Variants in KRT80 observed in about 807,000 individuals in gnomAD.
KRT80 encodes keratin 80.
Under a neutral mutation model 51.5 loss-of-function variants are expected in KRT80, and 36 were observed. The observed-to-expected ratio is 0.70, with a 90% CI of 0.54 to 0.92. The LOEUF (loss-of-function observed/expected upper bound fraction) is 0.92, where lower values mean the gene tolerates loss of function less well. Among genes scored for constraint, KRT80 ranks in the 40% least tolerant of loss-of-function variants. The pLI is 0.00. For synonymous variants in KRT80, 235 were observed against 248.3 expected, an observed-to-expected ratio of 0.95 and a Z score of 0.50; for missense variants, 566 against 591.7, an observed-to-expected ratio of 0.96 and a Z score of 0.45.
intron 4 of KRT80, among the ~76,000 whole-genome samples, chr12:52,178,237 AACC>A (rs1565694595): frequency 1.3e-5 from 2 of 152,188 alleles, no homozygotes. Flanking sequence ...AGGATAGCAC[AACC>A]ACACCTGAAA....
Position 52,180,915 on chromosome 12 carries a change from A to C in KRT80, c.558T>G (p.Val186=). 2 of 1,578,400 alleles carry C rather than the reference A, an allele frequency of 1.3e-6. No homozygotes were observed. Among genetic ancestry groups the C allele is most frequent in the Non-Finnish European group, 1.7e-6 (2 of 1,166,186 alleles). ...CTGGGCAGGCTACCTTCTTCAGCTGAACAAAGGTGAACTCCATGTCTGTGC... is the reference window on the plus strand; with the variant it reads ...CTGGGCAGGCTACCTTCTTCAGCTGCACAAAGGTGAACTCCATGTCTGTGC... ...SKRTDMEFTF[V]QLKKDLDAEC... is the part of the protein sequence containing the mutation. Residue 186 remains valine, a synonymous_variant, in exon 3 of 9, where the codon GTT becomes GTG. Coordinates refer to ENST00000394815, the MANE Select transcript of KRT80 (RefSeq NM_182507.3).
Position 52,191,712 on chromosome 12 carries a change from AGGCC to A in KRT80, c.187_190del (p.Gly63CysfsTer16). On this transcript the variant is annotated frameshift_variant, in exon 1 of 9. Coordinates refer to ENST00000394815, the MANE Select transcript of KRT80 (RefSeq NM_182507.3). LOFTEE classifies it high-confidence loss of function. Reference sequence around the variant, plus strand: ...CAACTTGACATCCAGGGGCACCAGCAGGCCGGGGTTCACAGTCACCTTGGAGATA... The same window carrying A: ...CAACTTGACATCCAGGGGCACCAGCAGGGGTTCACAGTCACCTTGGAGATA... The A allele has an allele frequency of 6.2e-7, 1 of 1,613,834 alleles. No homozygotes were observed.
intron 1 of KRT80, among the ~76,000 whole-genome samples, chr12:52,191,341 C>T (rs1336673987): frequency 5.3e-5 from 8 of 152,136 alleles, no homozygotes; most frequent in African/African-American, 1.9e-4. Flanking sequence ...GGTGGGTGAC[C>T]CCAGGTCATG....
intron 4 of KRT80, among the ~76,000 whole-genome samples, chr12:52,176,277 G>A (rs1229763450): frequency 6.6e-6 from 1 of 152,172 alleles, no homozygotes; most frequent in Non-Finnish European, 1.5e-5. Context: ...GGGACCCCTG[G>A]AGAGCACGTG....
At chr12:52,189,541 G>A (rs141671782) in intron 1 of KRT80, among the ~76,000 whole-genome samples, 402 of 152,352 alleles carry the variant, frequency 2.6e-3, no homozygotes, top group African/African-American at 9.2e-3. Flanking sequence ...GTAGTGGACC[G>A]GGATTTAAAC....
At chr12:52,182,289 C>T (rs1403888221) in intron 2 of KRT80, among the ~76,000 whole-genome samples, 1 of 152,178 alleles carries the variant, frequency 6.6e-6, no homozygotes, top group Non-Finnish European at 1.5e-5. Flanking sequence ...TTCACCTGCA[C>T]TCTCTCTGGT....
intron 4 of KRT80, 148 bp downstream of exon 4, chr12:52,180,365 G>A (rs1941297510): frequency 5.8e-6 from 3 of 512,990 alleles, no homozygotes; most frequent in East Asian, 3.1e-5. Context: ...ACAGGAAGGG[G>A]TTTAGGAAAT....
intron 3 of KRT80, 115 bp from the exon 4 acceptor site, chr12:52,180,723 G>T (rs979168164): frequency 3.1e-6 from 5 of 1,602,270 alleles, no homozygotes; most frequent in South Asian, 2.2e-5. Context: ...AGGAGATCTG[G>T]CTCAGAGCCT....
rs1401402568 is a variant in KRT80 at position 52,170,311 on chromosome 12, G to A, written c.*1087C>T. 1 of 152,722 alleles carries A rather than the reference G, an allele frequency of 6.5e-6. No homozygotes were observed. Among genetic ancestry groups the A allele is most frequent in the East Asian group, 1.9e-4 (1 of 5,198 alleles). 9.5% of individuals were successfully genotyped at this position (152,722 alleles called of 1,614,324 possible). On this transcript the variant is annotated 3_prime_UTR_variant, in exon 9 of 9. Transcript: ENST00000394815. ...GGGAAGGAGTGAGAAGAAAGGAGGA[G>A]CTCTAACCCCATAGGTGTGGGGGGT... is the stretch of plus-strand genomic sequence containing the variant.
chr12:52,173,568 C>T, intron 5 of KRT80, 32 bp downstream of exon 5: 1 of 1,606,706 alleles, frequency 6.2e-7, no homozygotes. Context: ...ACTGTCCAGG[C>T]TGCTTCTCGT....
intron 2 of KRT80, among the ~76,000 whole-genome samples, chr12:52,181,626 G>A (rs1395620040): frequency 4.6e-5 from 7 of 152,212 alleles, no homozygotes; most frequent in Non-Finnish European, 1.0e-4. Flanking sequence ...GCAGTTGACA[G>A]CCAGCTACAG....
chr12:52,190,159 G>A (rs1941459846), intron 1 of KRT80, among the ~76,000 whole-genome samples: 1 of 151,926 alleles, frequency 6.6e-6, no homozygotes, highest in African/African-American at 2.4e-5. Context: ...TGGGTACCCA[G>A]GGGTACCCCA....
At chr12:52,182,715 G>T (rs1476657203) in intron 2 of KRT80, among the ~76,000 whole-genome samples, 1 of 152,258 alleles carries the variant, frequency 6.6e-6, no homozygotes, top group South Asian at 2.1e-4. Context: ...AACCCCCTCT[G>T]GCAGAGAAGG....
intron 1 of KRT80, 50 bp downstream of exon 1, chr12:52,191,553 G>A (rs550540982): frequency 2.1e-5 from 32 of 1,503,758 alleles, no homozygotes; most frequent in East Asian, 2.3e-5. Context: ...CTCAGCTACC[G>A]GCCCAGGCCT....
intron 1 of KRT80, chr12:52,185,857 G>A: frequency 1.8e-6 from 1 of 556,660 alleles, no homozygotes; most frequent in Non-Finnish European, 3.1e-6. Context: ...GAGGAAGGGG[G>A]TAAGAGGGTG....
chr12:52,172,121 G>A (rs773938057), intron 7 of KRT80, 77 bp downstream of exon 7: 52 of 1,506,320 alleles, frequency 3.5e-5, no homozygotes, highest in Admixed American at 5.2e-5. Flanking sequence ...TATTGGAAAG[G>A]AGAACTGACT....
chr12:52,178,717 A>C (rs1253928698), intron 4 of KRT80, among the ~76,000 whole-genome samples: 1 of 152,242 alleles, frequency 6.6e-6, no homozygotes, highest in Non-Finnish European at 1.5e-5. Flanking sequence ...AGTGCCTGGC[A>C]CTTAGTAGGC....
chr12:52,182,017 C>T (rs1941330260), intron 2 of KRT80, among the ~76,000 whole-genome samples: 1 of 152,222 alleles, frequency 6.6e-6, no homozygotes. Flanking sequence ...GCCCCTCATG[C>T]CTTCTTCTTT....
At chr12:52,185,768 T>C (rs138903091) in intron 1 of KRT80, 181 bp from the exon 2 acceptor site, 3 of 1,334,308 alleles carry the variant, frequency 2.2e-6, no homozygotes, top group Admixed American at 4.5e-5. Context: ...AAACTGAAGA[T>C]GGTGAGATAA....
Sources: allele counts gnomAD v4.1 joint callset (sites outside exome capture counted in the v4.1 genomes callset), GRCh38; gene constraint gnomAD v4.1.1; transcripts MANE v1.5; gene names NCBI Gene and HGNC (gene_info 2026-07-23, HGNC 2026-07-21).